CABIN1: variants seen among roughly 807,000 people sequenced by gnomAD.
CABIN1 encodes the protein calcineurin binding protein 1, also known as calcineurin-binding protein cabin-1.
CABIN1 carries 133 observed loss-of-function variants against 227.7 expected under a neutral mutation model. The ratio of observed to expected loss-of-function variants is 0.58; its 90% confidence interval spans 0.51 to 0.67. The LOEUF (loss-of-function observed/expected upper bound fraction) is 0.67. Among genes scored for constraint, CABIN1 ranks in the 30% least tolerant of loss-of-function variants. The pLI is 0.00. For missense variants in CABIN1, 2,408 were observed against 2,852.5 expected, an observed-to-expected ratio of 0.84 and a Z score of 3.55; for synonymous variants, 1,086 against 1,155.1, an observed-to-expected ratio of 0.94 and a Z score of 1.21.
At position 24,177,402 on chromosome 22, in the gene CABIN1, G is replaced by A. The variant is rs1734479543; in HGVS notation, c.6206-102G>A. The A allele has an allele frequency of 1.9e-6, 2 of 1,052,634 alleles. No individual in the cohort carries two copies. Among genetic ancestry groups the A allele is most frequent in the African/African-American group, 1.6e-5 (1 of 63,034 alleles). 65.2% of individuals were successfully genotyped at this position (1,052,634 alleles called of 1,614,324 possible). On this transcript the variant is annotated intron_variant, in intron 35 of 36. Transcript: ENST00000263119. This position sits in a 1 kb window ranked among gnomAD's most constrained non-coding sequence, Gnocchi z 4.4. The stretch of plus-strand genomic sequence containing the variant: ...CCTGCCAGCCAGCACAAACTACACA[G>A]CATAAAGGCCCAGGACCTGGGGGGA...
In CABIN1 at chr22:24,076,244, C is replaced by T. The variant is rs2040432482; in HGVS notation, c.2708C>T (p.Ser903Phe). Residue 903 changes from serine to phenylalanine, a missense_variant, in exon 19 of 37, where the codon TCC becomes TTC. Ser to Phe is a radical substitution (Grantham distance 155). Transcript: ENST00000263119. ...GCCCACGAGTATTTGGGCAGAAGGT[C>T]CTGGTGCTGCAATTCAGATGGGGCT... ...NTAHEYLGRR[S>F]WCCNSDGALL... 6.2e-7 allele frequency: 1 copy of T among 1,614,014 alleles called. No homozygotes were observed. The highest frequency in any genetic ancestry group is 1.1e-5 in the South Asian group (1 of 91,084).
At chr22:24,071,343 G>A (rs371521965) in intron 17 of CABIN1, among the ~76,000 whole-genome samples, 15 of 152,298 alleles carry the variant, frequency 9.8e-5, no homozygotes, top group African/African-American at 3.1e-4. Flanking sequence ...TCTGCCTGCA[G>A]TGAGCCAGAG....
chr22:24,178,333 C>G lies in CABIN1; in HGVS notation c.*137C>G. The G allele has an allele frequency of 9.4e-7, 1 of 1,060,516 alleles. No homozygotes were observed. Among genetic ancestry groups the G allele is most frequent in the Non-Finnish European group, 1.4e-6 (1 of 731,616 alleles). 65.7% of individuals were successfully genotyped at this position (1,060,516 alleles called of 1,614,324 possible). A position where few individuals can be genotyped will look rare whatever the true frequency, so the allele number is the denominator to read the frequency against. ...CAGCCCCCAGGCCTGCCCAGCCCACCTCCTCATGGCATCCTCCCTGTACCC... is the reference window on the plus strand; with the variant it reads ...CAGCCCCCAGGCCTGCCCAGCCCACGTCCTCATGGCATCCTCCCTGTACCC... On this transcript the variant is annotated 3_prime_UTR_variant, in exon 37 of 37. Coordinates refer to ENST00000263119, the MANE Select transcript of CABIN1 (RefSeq NM_012295.4).
chr22:24,130,498 T>C (rs1020813222), intron 28 of CABIN1, among the ~76,000 whole-genome samples: 2 of 152,170 alleles, frequency 1.3e-5, no homozygotes, highest in Non-Finnish European at 2.9e-5. Context: ...TGAGGGGTTA[T>C]GGCACTGTGC....
At chr22:24,066,932 G>A (rs1050961474) in intron 15 of CABIN1, 55 bp from the exon 16 acceptor site, 82 of 1,552,742 alleles carry the variant, frequency 5.3e-5, no homozygotes, top group Non-Finnish European at 7.0e-5. Flanking sequence ...GCCAGATTTG[G>A]TGGGGCAGGG....
rs748250045 is a variant in CABIN1, at chr22:24,097,980, C to T, written c.3939-34C>T. ...CATCTGTTTCAATGTGAGGTGGAGACTCTGACCTGTGCCCCAAACCTCTGT... is the reference window on the plus strand; with the variant it reads ...CATCTGTTTCAATGTGAGGTGGAGATTCTGACCTGTGCCCCAAACCTCTGT... On this transcript the variant is annotated intron_variant, in intron 25 of 36. Transcript: ENST00000263119. 9 of 1,613,788 alleles carry T rather than the reference C, an allele frequency of 5.6e-6. No individual in the cohort carries two copies. The South Asian group carries it at 6.6e-5, about 12-fold the overall frequency.
chr22:24,082,085 C>CT (rs71184946), intron 19 of CABIN1, among the ~76,000 whole-genome samples: 18,169 of 121,162 alleles, frequency 0.15, 1,596 homozygotes, highest in Non-Finnish European at 0.16. Context: ...TATTCTCTCT[C>CT]TTTTTTTTTT....
chr22:24,072,669 C>A (rs954878014), intron 18 of CABIN1, among the ~76,000 whole-genome samples, 159 bp downstream of exon 18: 9 of 152,166 alleles, frequency 5.9e-5, no homozygotes, highest in Non-Finnish European at 1.3e-4. Context: ...GCAGAAGTGT[C>A]CTTGGTTTCT....
chr22:24,165,886 A>G (rs1387134682), intron 31 of CABIN1, among the ~76,000 whole-genome samples: 2 of 152,150 alleles, frequency 1.3e-5, no homozygotes, highest in East Asian at 3.9e-4. Flanking sequence ...TGAGCTCCCC[A>G]AGGGCTGCAC....
chr22:24,015,477 T>C (rs1452638827), intron 1 of CABIN1, among the ~76,000 whole-genome samples: 1 of 150,728 alleles, frequency 6.6e-6, no homozygotes, highest in Non-Finnish European at 1.5e-5. Flanking sequence ...CCCGAGTAGC[T>C]GGGACTACAG....
At chr22:24,052,469 T>C (rs2038413519) in intron 8 of CABIN1, among the ~76,000 whole-genome samples, 1 of 8,266 alleles carries the variant, frequency 1.2e-4, no homozygotes, top group African/African-American at 7.2e-4. Flanking sequence ...TCTTTTTCTT[T>C]CTTTTTTTTT....
chr22:24,164,580 T>C lies in CABIN1; in HGVS notation c.4910+17T>C. 4 of 1,601,560 alleles carry C rather than the reference T, an allele frequency of 2.5e-6. No individual in the cohort carries two copies. Among genetic ancestry groups the C allele is most frequent in the Non-Finnish European group, 3.4e-6 (4 of 1,179,774 alleles). The stretch of plus-strand genomic sequence containing the variant: ...CCAGGGCAAGTGAGTGCAGCCACCC[T>C]GGACACAGCCTGGCATGCTGTGTGG... On this transcript the variant is annotated intron_variant, in intron 30 of 36. Transcript: ENST00000263119.
At chr22:24,020,953 G>C (rs2035679464) in intron 1 of CABIN1, among the ~76,000 whole-genome samples, 1 of 151,788 alleles carries the variant, frequency 6.6e-6, no homozygotes, top group South Asian at 2.1e-4. Flanking sequence ...ATGTTGTTTA[G>C]ATCAATCATC....
At position 24,055,097 on chromosome 22, in the gene CABIN1, CTG is replaced by C; in HGVS notation, c.1034_1035del (p.Val345GlyfsTer21). ...GCCGAGCCTGTGGTCTCCTACACCT[CTG>C]TGGCTACAACCAGCTTCCCACTGCA... is the stretch of plus-strand genomic sequence containing the variant. On this transcript the variant is annotated frameshift_variant, in exon 9 of 37. Coordinates refer to ENST00000263119, the MANE Select transcript of CABIN1 (RefSeq NM_012295.4). LOFTEE classifies it high-confidence loss of function. 1 of 1,614,202 alleles carries C rather than the reference CTG, an allele frequency of 6.2e-7. No individual in the cohort carries two copies. Among genetic ancestry groups the C allele is most frequent in the East Asian group, 2.2e-5 (1 of 44,890 alleles).
intron 29 of CABIN1, among the ~76,000 whole-genome samples, chr22:24,151,003 G>A (rs900952283): frequency 6.6e-6 from 1 of 152,162 alleles, no homozygotes; most frequent in African/African-American, 2.4e-5. Flanking sequence ...GGGCAAGTTT[G>A]TTCCCTTTCT....
At chr22:24,134,967 C>G (rs1324533053) in intron 29 of CABIN1, among the ~76,000 whole-genome samples, 1 of 151,674 alleles carries the variant, frequency 6.6e-6, no homozygotes, top group Non-Finnish European at 1.5e-5. Context: ...ATCCCAGCTA[C>G]TCAGGAAGCT....
Position 24,151,437 on chromosome 22 carries a change from G to A in CABIN1, c.4747-12963G>A, listed in dbSNP as rs184605167. The stretch of plus-strand genomic sequence containing the variant: ...ACAAAAGCCATTTTTTAGGGACCAG[G>A]GGTCAGAAGATGGATCGACTGCCCT... On this transcript the variant is annotated intron_variant, in intron 29 of 36. Coordinates refer to ENST00000263119, the MANE Select transcript of CABIN1 (RefSeq NM_012295.4). Among the ~76,000 whole-genome samples the A allele has an allele frequency of 3.3e-5, 5 of 152,242 alleles. No individual in the cohort carries two copies. The East Asian group carries it at 9.7e-4, about 29-fold the overall frequency.
At chr22:24,155,743 A>C in intron 29 of CABIN1, 1 of 361,814 alleles carries the variant, frequency 2.8e-6, no homozygotes, top group Non-Finnish European at 5.0e-6. Context: ...CCTCACACAC[A>C]GTTGGCCAAT....
At chr22:24,017,611 T>TA (rs1460296465) in intron 1 of CABIN1, among the ~76,000 whole-genome samples, 2 of 152,240 alleles carry the variant, frequency 1.3e-5, no homozygotes, top group Non-Finnish European at 2.9e-5. Flanking sequence ...TTATTCGACT[T>TA]ACTGTAATGT....
Sources: gnomAD v4.1 joint callset for allele counts (sites outside exome capture counted in the v4.1 genomes callset) on GRCh38, gnomAD v4.1.1 for gene constraint, Gnocchi (gnomAD v3.1) non-coding constraint, MANE v1.5 for transcripts, NCBI Gene and HGNC (gene_info 2026-07-23, HGNC 2026-07-21) for gene names.